Variants in SEL1L2 observed in about 807,000 individuals in gnomAD.
SEL1L2 encodes SEL1L2 adaptor subunit of SYVN1 ubiquitin ligase.
A neutral mutation model predicts 98.8 loss-of-function variants in SEL1L2; 89 were observed. That is an observed-to-expected ratio of 0.90 (90% CI 0.76 to 1.07). The LOEUF is 1.07. Among genes scored for constraint, SEL1L2 ranks in the 50% least tolerant of loss-of-function variants. The probability of loss-of-function intolerance (pLI) is 0.00; values close to 1 mark genes in which losing one functional copy is unlikely to be tolerated. For missense variants in SEL1L2, 788 were observed against 812.0 expected (o/e 0.97, Z 0.36); for synonymous variants, 262 against 278.5 (o/e 0.94, Z 0.59).
chr20:13,896,506 TCCCC>T (rs1322940047), intron 5 of SEL1L2, among the ~76,000 whole-genome samples: 2 of 106,584 alleles, frequency 1.9e-5, no homozygotes, highest in Non-Finnish European at 3.9e-5. Flanking sequence ...AACAAACAAC[TCCCC>T]CCCCCCCCAC....
intron 2 of SEL1L2, among the ~76,000 whole-genome samples, chr20:13,947,167 T>C (rs2050052760): frequency 6.6e-6 from 1 of 152,036 alleles, no homozygotes; most frequent in African/African-American, 2.4e-5. Flanking sequence ...GAGTGAGAAC[T>C]TATGGTGCTT....
At chr20:13,885,902 G>A (rs569909863) in intron 9 of SEL1L2, among the ~76,000 whole-genome samples, 1 of 152,008 alleles carries the variant, frequency 6.6e-6, no homozygotes, top group African/African-American at 2.4e-5. Flanking sequence ...AGGCGTGGTG[G>A]TGTGGGCACC....
intron 12 of SEL1L2, among the ~76,000 whole-genome samples, chr20:13,874,312 G>A (rs2046337882): frequency 6.6e-6 from 1 of 152,172 alleles, no homozygotes. Flanking sequence ...AAAGTAGTAA[G>A]AGTGAGAAAT....
chr20:13,945,548 C>A (rs557545661), intron 2 of SEL1L2, among the ~76,000 whole-genome samples: 179 of 151,890 alleles, frequency 1.2e-3, no homozygotes, highest in South Asian at 4.8e-3. Context: ...GCCTCACACT[C>A]TTCCAAAAAA....
At chr20:13,869,000 T>G (rs1019243333) in intron 14 of SEL1L2, among the ~76,000 whole-genome samples, 1 of 152,076 alleles carries the variant, frequency 6.6e-6, no homozygotes, top group African/African-American at 2.4e-5. Context: ...TAAGATCTTT[T>G]TTTTTTTTTG....
chr20:13,857,170 A>C (rs867156714), intron 18 of SEL1L2, among the ~76,000 whole-genome samples: 4 of 151,744 alleles, frequency 2.6e-5, no homozygotes, highest in Non-Finnish European at 5.9e-5. Flanking sequence ...TAAAATTCTC[A>C]TATCCAAGTG....
chr20:13,983,530 T>A (rs531069630), intron 1 of SEL1L2, among the ~76,000 whole-genome samples: 2 of 152,092 alleles, frequency 1.3e-5, no homozygotes, highest in African/African-American at 4.8e-5. Flanking sequence ...TTGTTTTTGT[T>A]TTTTTTTGAG....
rs922142596 is a variant in SEL1L2, at chr20:13,940,441, G to C, written c.115-8670C>G. On this transcript the variant is annotated intron_variant, in intron 2 of 19. Transcript: ENST00000284951. The stretch of plus-strand genomic sequence containing the variant: ...CTCCCAAGTGGCTGAAGGAGTGTGA[G>C]CCAAGGAAAAAATTATCAAAGAGAA... 2.0e-5 allele frequency among the ~76,000 whole-genome samples: 3 copies of C among 152,280 alleles called. No homozygotes were observed. In the East Asian group the frequency reaches 5.8e-4, roughly 29 times the overall value.
At chr20:13,981,869 A>G (rs1358142907) in intron 1 of SEL1L2, among the ~76,000 whole-genome samples, 5 of 152,226 alleles carry the variant, frequency 3.3e-5, no homozygotes, top group African/African-American at 1.2e-4. Flanking sequence ...TAATTTAGAA[A>G]TTCTCAATTC....
At chr20:13,930,308 G>T (rs1446645742) in intron 3 of SEL1L2, among the ~76,000 whole-genome samples, 4 of 152,196 alleles carry the variant, frequency 2.6e-5, no homozygotes, top group Non-Finnish European at 5.9e-5. Context: ...GGCTGGCTTT[G>T]TCCTTGACTT....
intron 2 of SEL1L2, among the ~76,000 whole-genome samples, chr20:13,944,485 T>A (rs2049921673): frequency 6.6e-6 from 1 of 152,140 alleles, no homozygotes; most frequent in African/African-American, 2.4e-5. Context: ...AGGGTGAGCT[T>A]AAGATTTTTG....
intron 2 of SEL1L2, among the ~76,000 whole-genome samples, chr20:13,943,583 C>A (rs959163995): frequency 3.3e-5 from 5 of 151,190 alleles, no homozygotes; most frequent in Non-Finnish European, 7.4e-5. Context: ...TGCTAAATGA[C>A]ATTCATTCAT....
chr20:13,969,652 T>C (rs2051196937), intron 1 of SEL1L2, among the ~76,000 whole-genome samples: 1 of 152,184 alleles, frequency 6.6e-6, no homozygotes, highest in Non-Finnish European at 1.5e-5. Context: ...ATATGTACAT[T>C]CTACTCATTC....
intron 18 of SEL1L2, 74 bp downstream of exon 18, chr20:13,859,188 T>A (rs1055694455): frequency 1.4e-6 from 2 of 1,408,736 alleles, no homozygotes; most frequent in Non-Finnish European, 2.0e-6. Flanking sequence ...ATCAATGAAA[T>A]TCAAAACATT....
chr20:13,953,084 C>G (rs892901679), intron 2 of SEL1L2, among the ~76,000 whole-genome samples: 1 of 152,190 alleles, frequency 6.6e-6, no homozygotes, highest in African/African-American at 2.4e-5. Flanking sequence ...ATTTCCCAAA[C>G]CTTAGACTGG....
chr20:13,866,850 G>T lies in SEL1L2; in HGVS notation c.1256C>A (p.Ser419Tyr). The change falls in exon 15 of 20, where the codon TCT becomes TAT. Residue 419 changes from serine to tyrosine, a missense_variant and splice_region_variant. Ser to Tyr is a moderately radical substitution (Grantham distance 144, BLOSUM62 -2). Transcript: ENST00000284951. ...ATAATCCTTCCATATTCCAGAGCCA[G>T]CTGAAAATTAAAATTGTTTTGAGCC... ...AQFQLGFMYY[S>Y]GSGIWKDYKL... The T allele has an allele frequency of 6.3e-7, 1 of 1,599,936 alleles. No individual in the cohort carries two copies. The highest frequency in any genetic ancestry group is 1.1e-5 in the South Asian group (1 of 87,936).
At chr20:13,976,033 C>T (rs929384196) in intron 1 of SEL1L2, among the ~76,000 whole-genome samples, 9 of 151,832 alleles carry the variant, frequency 5.9e-5, no homozygotes, top group Admixed American at 1.3e-4. Context: ...GACAGAGTCT[C>T]GCTCTGTTGC....
intron 5 of SEL1L2, among the ~76,000 whole-genome samples, chr20:13,896,299 G>C (rs886851247): frequency 6.6e-6 from 1 of 152,022 alleles, no homozygotes; most frequent in East Asian, 1.9e-4. Flanking sequence ...GTGAAACCCC[G>C]TCTCTATTAA....
At chr20:13,915,487 G>A (rs983309228) in intron 4 of SEL1L2, among the ~76,000 whole-genome samples, 1 of 152,184 alleles carries the variant, frequency 6.6e-6, no homozygotes, top group Non-Finnish European at 1.5e-5. Context: ...CACGTGGCTT[G>A]CTGCTGCAAC....
Sources: allele counts gnomAD v4.1 joint callset (sites outside exome capture counted in the v4.1 genomes callset), GRCh38; gene constraint gnomAD v4.1.1; transcripts MANE v1.5; gene names NCBI Gene and HGNC (gene_info 2026-07-23, HGNC 2026-07-21).